ARHGEF16: variants seen among roughly 807,000 people sequenced by gnomAD.
The protein encoded by ARHGEF16 is Rho guanine exchange factor (GEF) 16.
Under a neutral mutation model 74.1 loss-of-function variants are expected in ARHGEF16, and 59 were observed. The observed-to-expected ratio is 0.80, with a 90% CI of 0.65 to 0.99. ARHGEF16 has a LOEUF of 0.99. ARHGEF16 is among the 50% of genes least tolerant of loss of function. The probability of loss-of-function intolerance (pLI) is 0.00; values close to 1 mark genes in which losing one functional copy is unlikely to be tolerated. For synonymous variants in ARHGEF16, 415 were observed against 412.6 expected (o/e 1.01, Z -0.07); for missense variants, 948 against 986.6 (o/e 0.96, Z 0.52).
At position 3,479,852 on chromosome 1, in the gene ARHGEF16, G is replaced by A; in HGVS notation, c.1929G>A (p.Lys643=). The change falls in exon 14 of 15, where the codon AAG becomes AAA. Residue 643 remains lysine, a synonymous_variant. Transcript: ENST00000378378. ...AGATCACCAAGGCCTTCTTCGCGAA[G>A]CAAGCAGACGAGGTCACACTGCAGC... ...QVEITKAFFA[K]QADEVTLQQA... 6.2e-7 allele frequency: 1 copy of A among 1,612,328 alleles called. No homozygotes were observed. The highest frequency in any genetic ancestry group is 1.7e-5 in the Admixed American group (1 of 60,018).
chr1:3,468,991 C>T, intron 5 of ARHGEF16, 55 bp downstream of exon 5: 1 of 1,544,016 alleles, frequency 6.5e-7, no homozygotes, highest in Non-Finnish European at 8.8e-7. Flanking sequence ...CATGCAACAC[C>T]CGGGGAGGGG....
At chr1:3,477,115 CG>C (rs1018109002) in intron 10 of ARHGEF16, among the ~76,000 whole-genome samples, 1 of 151,724 alleles carries the variant, frequency 6.6e-6, no homozygotes. Flanking sequence ...TGGCAGAGGC[CG>C]GGAGCGGGAG....
At chr1:3,472,284 G>A (rs1051975338) in intron 6 of ARHGEF16, among the ~76,000 whole-genome samples, 4 of 152,242 alleles carry the variant, frequency 2.6e-5, no homozygotes, top group African/African-American at 7.2e-5. Context: ...CTTGGTGGCC[G>A]TGGCCGCCCA....
At chr1:3,471,837 C>T in intron 6 of ARHGEF16, 1 of 1,053,202 alleles carries the variant, frequency 9.5e-7, no homozygotes, top group Non-Finnish European at 1.2e-6. Context: ...TCAGAACCTG[C>T]AGTCACCCAT....
chr1:3,477,925 GTTC>G lies in ARHGEF16; in HGVS notation c.1527_1529del (p.Phe509del). The G allele has an allele frequency of 6.2e-7, 1 of 1,612,676 alleles. No homozygotes were observed. Among genetic ancestry groups the G allele is most frequent in the Non-Finnish European group, 8.5e-7 (1 of 1,179,906 alleles). Reference sequence around the variant, plus strand: ...GGTGGCTGCTGAAGCGCGGAGAGCTGTTCTTAGTGGAAGAAACCGGACTTTTTC... The same window carrying G: ...GGTGGCTGCTGAAGCGCGGAGAGCTGTTAGTGGAAGAAACCGGACTTTTTC... On this transcript the variant is annotated inframe_deletion, in exon 11 of 15. Coordinates refer to ENST00000378378, the MANE Select transcript of ARHGEF16 (RefSeq NM_014448.4).
Position 3,479,590 on chromosome 1 carries a change from G to C in ARHGEF16, c.1888G>C (p.Asp630His). 6.2e-7 allele frequency: 1 copy of C among 1,611,072 alleles called. No individual in the cohort carries two copies. The highest frequency in any genetic ancestry group is 1.3e-5 in the African/African-American group (1 of 75,010). ...RQWQGLSSKGDLPQVEITKAF... is the reference protein window; with the variant it reads ...RQWQGLSSKGHLPQVEITKAF... ...GTGGCAGGGCCTCTCCAGCAAAGGA[G>C]GTGAGTGCGGGCTGGGGCCTGCAGG... Residue 630 changes from aspartate (D) to histidine (H), a missense_variant and splice_region_variant, in exon 13 of 15, where the codon GAC becomes CAC. Coordinates refer to ENST00000378378, the MANE Select transcript of ARHGEF16 (RefSeq NM_014448.4).
intron 4 of ARHGEF16, chr1:3,468,595 G>A (rs920586766): frequency 2.4e-5 from 11 of 458,196 alleles, no homozygotes; most frequent in Admixed American, 1.4e-4. Flanking sequence ...ATCCCCCCCC[G>A]CCCTCTGGCC....
At chr1:3,467,384 G>C in intron 4 of ARHGEF16, 47 bp downstream of exon 4, 1 of 1,515,912 alleles carries the variant, frequency 6.6e-7, no homozygotes, top group East Asian at 2.5e-5. Flanking sequence ...GCAGGGAGAA[G>C]CCACAGTCCC....
chr1:3,469,575 T>C lies in ARHGEF16; in HGVS notation c.1004T>C (p.Val335Ala). 3 of 1,612,912 alleles carry C rather than the reference T, an allele frequency of 1.9e-6. No homozygotes were observed. The highest frequency in any genetic ancestry group is 2.5e-6 in the Non-Finnish European group (3 of 1,179,974). The stretch of plus-strand genomic sequence containing the variant: ...CACCTCTTCTCCAACATCCTGGATG[T>C]CCTGGGTGCCAGTCAGAGGTGAGGC... Reference protein sequence around the residue: ...HHHLFSNILDVLGASQRFFED... With the variant: ...HHHLFSNILDALGASQRFFED... The change falls in exon 6 of 15, where the codon GTC becomes GCC. Residue 335 changes from valine (V) to alanine (A), a missense_variant. Transcript: ENST00000378378.
intron 6 of ARHGEF16, among the ~76,000 whole-genome samples, chr1:3,472,130 T>C (rs1321369373): frequency 3.9e-5 from 6 of 152,206 alleles, no homozygotes; most frequent in Admixed American, 1.3e-4. Flanking sequence ...ACAGAGCTCT[T>C]GGGCTGGGAG....
chr1:3,466,170 G>T lies in ARHGEF16; in HGVS notation c.611G>T (p.Gly204Val). ...KNKKTLGRKRGHKGSFKDDPQ... is the reference protein window; with the variant it reads ...KNKKTLGRKRVHKGSFKDDPQ... Reference sequence around the variant, plus strand: ...CAGAAGACGCTGGGGAGGAAACGTGGGCACAAGGGTTCCTTCAAGGACGGT... The same window carrying T: ...CAGAAGACGCTGGGGAGGAAACGTGTGCACAAGGGTTCCTTCAAGGACGGT... The change falls in exon 3 of 15, where the codon GGG becomes GTG. Residue 204 changes from glycine to valine, a missense_variant. Physicochemically the swap from Gly to Val is moderately radical, Grantham distance 109 (BLOSUM62 -3). Coordinates refer to ENST00000378378, the MANE Select transcript of ARHGEF16 (RefSeq NM_014448.4). The T allele has an allele frequency of 6.5e-7, 1 of 1,546,676 alleles. No individual in the cohort carries two copies. Among genetic ancestry groups the T allele is most frequent in the Non-Finnish European group, 8.7e-7 (1 of 1,145,330 alleles).
At chr1:3,468,692 A>G (rs1891143) in intron 4 of ARHGEF16, 188 bp from the exon 5 acceptor site, 350,116 of 654,096 alleles carry the variant, frequency 0.54, 95,260 homozygotes, top group South Asian at 0.55. Flanking sequence ...AAGGCGGGTT[A>G]CACAGAGAGG....
At chr1:3,476,219 T>C (rs963560687) in intron 10 of ARHGEF16, among the ~76,000 whole-genome samples, 157 bp downstream of exon 10, 6 of 152,296 alleles carry the variant, frequency 3.9e-5, no homozygotes, top group African/African-American at 1.4e-4. Flanking sequence ...CTGGTGGCTC[T>C]GGTCTCTCCA....
chr1:3,455,524 C>T (rs1467192396), intron 1 of ARHGEF16, among the ~76,000 whole-genome samples: 3 of 151,958 alleles, frequency 2.0e-5, no homozygotes, highest in Non-Finnish European at 4.4e-5. Context: ...GAACAGTATC[C>T]CTTTTGAGAT....
intron 6 of ARHGEF16, chr1:3,471,915 C>G (rs1005329076): frequency 1.3e-6 from 1 of 799,114 alleles, no homozygotes; most frequent in African/African-American, 1.9e-5. Context: ...ATCCAGCAAC[C>G]GAGGCCTCCC....
At chr1:3,477,174 G>A (rs1639902367) in intron 10 of ARHGEF16, among the ~76,000 whole-genome samples, 1 of 151,410 alleles carries the variant, frequency 6.6e-6, no homozygotes, top group African/African-American at 2.4e-5. Context: ...GGAAGCCGGG[G>A]CCCACAGGGA....
At chr1:3,478,864 G>A (rs2100762234) in intron 12 of ARHGEF16, among the ~76,000 whole-genome samples, 1 of 152,312 alleles carries the variant, frequency 6.6e-6, no homozygotes, top group South Asian at 2.1e-4. Context: ...AGGAAACGAG[G>A]TGGGGGGTGG....
At chr1:3,460,762 G>A (rs958518177) in intron 1 of ARHGEF16, among the ~76,000 whole-genome samples, 4 of 152,180 alleles carry the variant, frequency 2.6e-5, no homozygotes, top group African/African-American at 9.7e-5. Context: ...GAGGCCTGTT[G>A]TGTCTGCCGC....
chr1:3,474,785 A>G lies in ARHGEF16; in HGVS notation c.1380+3A>G, dbSNP rs1557696507. The G allele has an allele frequency of 6.2e-7, 1 of 1,612,720 alleles. No homozygotes were observed. ...GTGCACTGAAGGCCATCAGCAAGGT[A>G]AGATGGGGCCTGGCCCCAGCCCTAC... On this transcript the variant is annotated splice_donor_region_variant and intron_variant, in intron 9 of 14. Transcript: ENST00000378378.
Sources: allele counts gnomAD v4.1 joint callset (sites outside exome capture counted in the v4.1 genomes callset), GRCh38; gene constraint gnomAD v4.1.1; transcripts MANE v1.5; gene names NCBI Gene and HGNC (gene_info 2026-07-23, HGNC 2026-07-21).